Variants in MESD observed in about 807,000 individuals in gnomAD.
MESD encodes the protein mesoderm development LRP chaperone.
A neutral mutation model predicts 12.9 loss-of-function variants in MESD; 7 were observed. The observed-to-expected ratio is 0.54, with a 90% CI of 0.31 to 1.02. The LOEUF is 1.02. Ranked by LOEUF, MESD falls within the 50% of genes least tolerant of loss-of-function variation. The pLI is 0.05. For missense variants in MESD, 342 were observed against 296.7 expected, an observed-to-expected ratio of 1.15 and a Z score of -1.12; for synonymous variants, 126 against 115.6, an observed-to-expected ratio of 1.09 and a Z score of -0.58.
chr15:80,967,796 C>A (rs897711793), intron 3 of MESD, among the ~76,000 whole-genome samples: 2 of 152,242 alleles, frequency 1.3e-5, no homozygotes, highest in Non-Finnish European at 2.9e-5. Flanking sequence ...GCAGACTTCT[C>A]TGGAGAAAAC....
intron 4 of MESD, chr15:80,951,875 A>C (rs146904075): frequency 1.1e-5 from 2 of 182,024 alleles, no homozygotes; most frequent in East Asian, 3.2e-4. Flanking sequence ...ATCTAAGGAT[A>C]ATAAGGCTGA....
At chr15:80,965,815 C>A (rs1015838337) in intron 3 of MESD, among the ~76,000 whole-genome samples, 5 of 151,972 alleles carry the variant, frequency 3.3e-5, no homozygotes, top group African/African-American at 1.2e-4. Context: ...GGGTAGGGGA[C>A]TGGGGGAAGG....
At chr15:80,952,195 A>T (rs1323138838) in exon 4 of MESD, 1 of 456,262 alleles carries the variant, frequency 2.2e-6, no homozygotes, top group East Asian at 7.0e-5. Context: ...TGACAAGAGC[A>T]TGGGGGCTGA....
chr15:80,981,898 G>C, intron 2 of MESD, 52 bp downstream of exon 2: 1 of 1,226,594 alleles, frequency 8.2e-7, no homozygotes, highest in Non-Finnish European at 1.2e-6. Context: ...TAATAATAAA[G>C]AAAAGACCGA....
chr15:80,979,195 C>A lies in MESD; in HGVS notation c.*24G>T. The A allele has an allele frequency of 9.4e-6, 15 of 1,603,690 alleles. No homozygotes were observed. Among genetic ancestry groups the A allele is most frequent in the Non-Finnish European group, 1.3e-5 (15 of 1,174,426 alleles). ...GAGCTCTCCACGTCCACCTGTCCCCCCACAGCGCGTCACTGCTGCCCCATC... is the reference window on the plus strand; with the variant it reads ...GAGCTCTCCACGTCCACCTGTCCCCACACAGCGCGTCACTGCTGCCCCATC... On this transcript the variant is annotated 3_prime_UTR_variant, in exon 3 of 3. Coordinates refer to ENST00000261758, the MANE Select transcript of MESD (RefSeq NM_015154.3).
At chr15:80,954,925 C>T (rs577099307) in intron 3 of MESD, among the ~76,000 whole-genome samples, 5 of 152,278 alleles carry the variant, frequency 3.3e-5, no homozygotes, top group African/African-American at 1.2e-4. Flanking sequence ...TCCAATGTGG[C>T]CCAGGAAAGC....
intron 1 of MESD, among the ~76,000 whole-genome samples, chr15:80,986,348 A>C (rs1468952544): frequency 6.6e-6 from 1 of 152,176 alleles, no homozygotes; most frequent in Non-Finnish European, 1.5e-5. Flanking sequence ...GCTCTATAGC[A>C]TTGTAGGATG....
intron 3 of MESD, among the ~76,000 whole-genome samples, chr15:80,968,083 T>C (rs1416561384): frequency 6.6e-6 from 1 of 152,194 alleles, no homozygotes; most frequent in Non-Finnish European, 1.5e-5. Context: ...AGCAGCATGG[T>C]CAAACTGCAG....
intron 3 of MESD, among the ~76,000 whole-genome samples, chr15:80,959,329 T>C (rs1902044751): frequency 1.3e-5 from 2 of 152,208 alleles, no homozygotes; most frequent in African/African-American, 4.8e-5. Context: ...TCTGGGTCAG[T>C]GCATTCACTC....
At chr15:80,949,602 C>T (rs1484338890) in intron 4 of MESD, 1 of 164,558 alleles carries the variant, frequency 6.1e-6, no homozygotes, top group Non-Finnish European at 1.3e-5. Context: ...ACCTGGAACC[C>T]AACAGTTCAT....
In MESD at chr15:80,983,894, C is replaced by CTTTTTTT. The variant is rs10570822; in HGVS notation, c.214-1719_214-1713dup. Among the ~76,000 whole-genome samples, 30 of 88,498 alleles carry CTTTTTTT rather than the reference C, an allele frequency of 3.4e-4. 2 individuals are homozygous for CTTTTTTT. The highest frequency in any genetic ancestry group is 3.7e-4 in the African/African-American group (9 of 24,578). 58.1% of individuals were successfully genotyped at this position (88,498 alleles called of 152,430 possible). ...ATAAATTACTAATAGAAAACAGTAA[C>CTTTTTTT]TTTTTTTTTTTTTTTTTTTTTTTTT... On this transcript the variant is annotated intron_variant, in intron 1 of 2. Transcript: ENST00000261758.
At chr15:80,953,051 T>C (rs533738150) in intron 3 of MESD, 522 of 455,750 alleles carry the variant, frequency 1.1e-3, no homozygotes, top group Non-Finnish European at 1.8e-3. Context: ...GAGTCAGAGA[T>C]GGATAAGAGA....
At chr15:80,960,365 T>TA (rs11295365) in intron 3 of MESD, among the ~76,000 whole-genome samples, 1,452 of 112,284 alleles carry the variant, frequency 0.013, 28 homozygotes, top group African/African-American at 0.045. Context: ...ATCCTGTGTT[T>TA]AAAAAAAAAA....
chr15:80,972,863 A>C (rs1273489248), downstream of MESD, among the ~76,000 whole-genome samples: 3 of 152,174 alleles, frequency 2.0e-5, no homozygotes, highest in African/African-American at 7.2e-5. Flanking sequence ...TCTACTAAAA[A>C]TACAAAAAAT....
At chr15:80,946,969 A>C (rs1901582392), downstream of MESD, 2 of 1,610,652 alleles carry the variant, frequency 1.2e-6, no homozygotes, top group African/African-American at 1.3e-5. Context: ...ACACAGTTCC[A>C]TAGTGCTTAT....
chr15:80,964,954 T>C (rs561011656), intron 3 of MESD, among the ~76,000 whole-genome samples: 21 of 152,104 alleles, frequency 1.4e-4, no homozygotes, highest in Middle Eastern at 3.4e-3. Context: ...AATTGACAAA[T>C]GGGATCTAAT....
At chr15:80,949,008 C>T (rs576873264) in intron 4 of MESD, 1 of 1,559,724 alleles carries the variant, frequency 6.4e-7, no homozygotes, top group Non-Finnish European at 8.8e-7. Flanking sequence ...GCTGGGTCCC[C>T]CAGCCCCTGC....
chr15:80,955,204 G>C lies in MESD; in HGVS notation c.*289-2908C>G, dbSNP rs58851803. ...GAGCTGGTTAGAAATGCCCAATCTCGGCCGGGCGCGGTGGCTCAAGCCTGT... is the reference window on the plus strand; with the variant it reads ...GAGCTGGTTAGAAATGCCCAATCTCCGCCGGGCGCGGTGGCTCAAGCCTGT... On this transcript the variant is annotated intron_variant, in intron 3 of 4. Transcript: ENST00000561312. Among the ~76,000 whole-genome samples the C allele has an allele frequency of 2.9e-3, 444 of 151,260 alleles. 2 individuals are homozygous for C. The highest frequency in any genetic ancestry group is 0.01 in the African/African-American group (428 of 41,186).
chr15:80,980,056 G>A lies in MESD; in HGVS notation c.447-579C>T, dbSNP rs536671040. 2.0e-5 allele frequency among the ~76,000 whole-genome samples: 3 copies of A among 152,354 alleles called. No homozygotes were observed. In the East Asian group the frequency reaches 5.8e-4, roughly 29 times the overall value. On this transcript the variant is annotated intron_variant, in intron 2 of 2. Coordinates refer to ENST00000261758, the MANE Select transcript of MESD (RefSeq NM_015154.3). Reference sequence around the variant, plus strand: ...CCAAGGAACAAAGCGGAAAGAATGAGGCCTGGGTGGAGCCCTAGTGTGGCC... The same window carrying A: ...CCAAGGAACAAAGCGGAAAGAATGAAGCCTGGGTGGAGCCCTAGTGTGGCC...
Sources: gnomAD v4.1 joint callset for allele counts (sites outside exome capture counted in the v4.1 genomes callset) on GRCh38, gnomAD v4.1.1 for gene constraint, MANE v1.5 for transcripts, NCBI Gene and HGNC (gene_info 2026-07-23, HGNC 2026-07-21) for gene names.